Variants in KLF8 observed in about 807,000 individuals in gnomAD.
The protein encoded by KLF8 is KLF transcription factor 8.
KLF8 carries 10 observed loss-of-function variants against 18.2 expected under a neutral mutation model. That is an observed-to-expected ratio of 0.55 (90% confidence interval 0.34 to 0.93). The LOEUF (loss-of-function observed/expected upper bound fraction) is 0.93, where lower values mean the gene tolerates loss of function less well. KLF8 is among the 40% of genes least tolerant of loss of function. The probability of loss-of-function intolerance (pLI) is 0.02; values close to 1 mark genes in which losing one functional copy is unlikely to be tolerated. For missense variants in KLF8, 264 were observed against 277.9 expected (o/e 0.95, Z 0.36); for synonymous variants, 109 against 97.3 (o/e 1.12, Z -0.71).
the KLF8 span, among the ~76,000 whole-genome samples, chrX:56,030,446 A>T: frequency 8.9e-6 from 1 of 111,744 alleles, no homozygotes; most frequent in Non-Finnish European, 1.9e-5. Flanking sequence ...TCTGTATAAT[A>T]GTTTGGAGCA....
the KLF8 span, among the ~76,000 whole-genome samples, chrX:56,119,177 C>T: frequency 9.0e-6 from 1 of 111,672 alleles, no homozygotes; most frequent in Admixed American, 9.5e-5. Context: ...CTACTTCCCA[C>T]AGAGCCTTCT....
At chrX:56,107,105 G>A in the KLF8 span, among the ~76,000 whole-genome samples, 1 of 111,387 alleles carries the variant, frequency 9.0e-6, no homozygotes, top group Non-Finnish European at 1.9e-5. Flanking sequence ...TCCCAGAGGG[G>A]CACCCCCCTC....
chrX:56,186,973 A>C, the KLF8 span, among the ~76,000 whole-genome samples: 1 of 111,754 alleles, frequency 8.9e-6, no homozygotes, highest in African/African-American at 3.3e-5. Context: ...GAACTAGAGA[A>C]GCAACAGCAA....
chrX:56,259,509 CTT>C (rs1417305642), intron 2 of KLF8, among the ~76,000 whole-genome samples: 1 of 110,422 alleles, frequency 9.1e-6, no homozygotes, highest in African/African-American at 3.3e-5. Context: ...TCACCAAACT[CTT>C]TACTTTTCTT....
the KLF8 span, among the ~76,000 whole-genome samples, chrX:56,061,150 G>T: frequency 9.0e-6 from 1 of 111,420 alleles, no homozygotes; most frequent in African/African-American, 3.3e-5. Flanking sequence ...AGGGTGTTTT[G>T]TGTCTCTATC....
the KLF8 span, among the ~76,000 whole-genome samples, chrX:55,946,244 T>G: frequency 5.4e-5 from 6 of 111,537 alleles, no homozygotes; most frequent in African/African-American, 1.3e-4. Flanking sequence ...TATACTACAA[T>G]GCTACAGTAA....
chrX:56,053,330 G>A, the KLF8 span, among the ~76,000 whole-genome samples: 1 of 111,763 alleles, frequency 8.9e-6, no homozygotes, highest in South Asian at 3.8e-4. Flanking sequence ...AGTTGTGTAT[G>A]TTGAACCAAT....
chrX:56,070,029 A>G, the KLF8 span, among the ~76,000 whole-genome samples: 1 of 112,724 alleles, frequency 8.9e-6, no homozygotes, highest in Non-Finnish European at 1.9e-5. Flanking sequence ...AGACTGGATA[A>G]AGAAAATGTG....
At chrX:56,032,226 C>T in the KLF8 span, among the ~76,000 whole-genome samples, 38 of 111,436 alleles carry the variant, frequency 3.4e-4, no homozygotes, top group African/African-American at 9.8e-4. Context: ...CTCACCTTGG[C>T]CTCCCAAAGT....
chrX:56,085,427 C>T, the KLF8 span, among the ~76,000 whole-genome samples: 9 of 111,912 alleles, frequency 8.0e-5, no homozygotes, highest in Non-Finnish European at 1.7e-4. Context: ...GAACCAGTAG[C>T]GCCGAAGACA....
chrX:56,267,148 A>G (rs1281416465), intron 3 of KLF8: 12 of 752,673 alleles, frequency 1.6e-5, no homozygotes, highest in African/African-American at 2.3e-5. Flanking sequence ...TCAGTCCATC[A>G]GAGCCACTCT....
chrX:56,163,492 T>C, the KLF8 span, among the ~76,000 whole-genome samples: 1 of 112,412 alleles, frequency 8.9e-6, no homozygotes, highest in Admixed American at 9.5e-5. Flanking sequence ...TATTGGATAT[T>C]AGACCTTTGT....
chrX:55,945,819 A>G, the KLF8 span, among the ~76,000 whole-genome samples: 1 of 111,087 alleles, frequency 9.0e-6, no homozygotes, highest in Non-Finnish European at 1.9e-5. Context: ...ATGTACAAAA[A>G]TCACAAGCAT....
chrX:56,254,346 G>T (rs914107361), intron 2 of KLF8, among the ~76,000 whole-genome samples: 2 of 111,692 alleles, frequency 1.8e-5, no homozygotes, highest in African/African-American at 6.5e-5. Flanking sequence ...AGGAGCTGGG[G>T]TGAGTGCCTT....
the KLF8 span, among the ~76,000 whole-genome samples, chrX:55,949,763 T>A: frequency 9.3e-6 from 1 of 107,569 alleles, no homozygotes; most frequent in Non-Finnish European, 1.9e-5. Flanking sequence ...TGCACTCCAG[T>A]CTGGCGACAG....
chrX:56,036,988 A>T, the KLF8 span, among the ~76,000 whole-genome samples: 1 of 112,251 alleles, frequency 8.9e-6, no homozygotes, highest in Non-Finnish European at 1.9e-5. Flanking sequence ...TAGCAACACT[A>T]CTGATTTTTG....
upstream of KLF8, among the ~76,000 whole-genome samples, chrX:56,232,202 A>AGCCTTAATTTTG (rs2147547030): frequency 8.9e-6 from 1 of 112,060 alleles, no homozygotes; most frequent in Non-Finnish European, 1.9e-5. Context: ...GGGACAGATA[A>AGCCTTAATTTTG]GGAAGTGAAA....
the KLF8 span, among the ~76,000 whole-genome samples, chrX:56,174,357 G>T: frequency 9.0e-6 from 1 of 111,729 alleles, no homozygotes; most frequent in African/African-American, 3.2e-5. Flanking sequence ...AGATAATCAG[G>T]TGGTTTTTGT....
the KLF8 span, among the ~76,000 whole-genome samples, chrX:55,999,298 G>GTTTTTTTTTTTTTTTTTTTTTTTTT: frequency 4.7e-5 from 1 of 21,185 alleles, no homozygotes; most frequent in African/African-American, 2.2e-4. Flanking sequence ...TTTTTTTTTT[G>GTTTTTTTTTTTTTTTTTTTTTTTTT]CTTCGTTTTG....
Sources: gnomAD v4.1 joint callset for allele counts (sites outside exome capture counted in the v4.1 genomes callset) on GRCh38, gnomAD v4.1.1 for gene constraint, MANE v1.5 for transcripts, NCBI Gene and HGNC (gene_info 2026-07-23, HGNC 2026-07-21) for gene names.